Variants in PTPRT observed in about 807,000 individuals in gnomAD.
PTPRT encodes protein tyrosine phosphatase receptor type T, also known as receptor-type tyrosine-protein phosphatase T.
Under a neutral mutation model 176.8 loss-of-function variants are expected in PTPRT, and 56 were observed. The observed-to-expected ratio is 0.32, with a 90% CI of 0.26 to 0.40. The LOEUF is 0.40. Among genes scored for constraint, PTPRT ranks in the 10% least tolerant of loss-of-function variants. PTPRT has a pLI of 1.00. For synonymous variants in PTPRT, 783 were observed against 739.0 expected (o/e 1.06, Z -0.96); for missense variants, 1,540 against 1,908.2 (o/e 0.81, Z 3.60).
intron 22 of PTPRT, among the ~76,000 whole-genome samples, chr20:42,114,640 C>T (rs946445279): frequency 6.6e-6 from 1 of 152,160 alleles, no homozygotes; most frequent in Non-Finnish European, 1.5e-5. Flanking sequence ...GGCCTCTCCA[C>T]CCACTAGGTG....
At chr20:42,142,155 T>A (rs1463787469) in intron 17 of PTPRT, among the ~76,000 whole-genome samples, 153 bp from the exon 18 acceptor site, 1 of 152,188 alleles carries the variant, frequency 6.6e-6, no homozygotes, top group Non-Finnish European at 1.5e-5. Flanking sequence ...AGGACATAGA[T>A]TTTGTCTGTC....
intron 2 of PTPRT, among the ~76,000 whole-genome samples, chr20:42,845,899 A>C (rs1451158070): frequency 6.6e-6 from 1 of 152,182 alleles, no homozygotes; most frequent in East Asian, 1.9e-4. Flanking sequence ...GGGTGCCCTC[A>C]AAGAACAGAC....
intron 7 of PTPRT, among the ~76,000 whole-genome samples, chr20:42,649,811 C>T (rs886662881): frequency 6.6e-6 from 1 of 152,156 alleles, no homozygotes; most frequent in Non-Finnish European, 1.5e-5. Flanking sequence ...AACCTCTTTG[C>T]ATTTGCATAG....
chr20:42,909,849 C>T (rs1367101541), intron 1 of PTPRT, among the ~76,000 whole-genome samples: 3 of 152,186 alleles, frequency 2.0e-5, no homozygotes, highest in South Asian at 2.1e-4. Flanking sequence ...ATTCAACAAC[C>T]GGGCCAGAAA....
At chr20:42,607,921 C>A (rs1389227331) in intron 7 of PTPRT, among the ~76,000 whole-genome samples, 1 of 152,184 alleles carries the variant, frequency 6.6e-6, no homozygotes, top group Non-Finnish European at 1.5e-5. Context: ...CCTGAAACAC[C>A]AGCTCATAAG....
intron 15 of PTPRT, among the ~76,000 whole-genome samples, chr20:42,206,328 GC>G (rs1254033710): frequency 6.6e-6 from 1 of 152,370 alleles, no homozygotes; most frequent in East Asian, 1.9e-4. Flanking sequence ...CCCAGCGTGA[GC>G]GACGCAGAAG....
At chr20:42,832,105 T>C (rs1253918279) in intron 2 of PTPRT, among the ~76,000 whole-genome samples, 2 of 152,136 alleles carry the variant, frequency 1.3e-5, no homozygotes, top group South Asian at 2.1e-4. Context: ...CTATTCACAA[T>C]AGCAAAGACA....
intron 1 of PTPRT, among the ~76,000 whole-genome samples, chr20:42,898,973 C>T (rs550160562): frequency 6.6e-6 from 1 of 152,294 alleles, no homozygotes; most frequent in South Asian, 2.1e-4. Flanking sequence ...TCCCGCCCAA[C>T]CCAGTGAGTC....
intron 2 of PTPRT, among the ~76,000 whole-genome samples, chr20:42,885,150 A>C (rs1408297314): frequency 6.8e-6 from 1 of 147,352 alleles, no homozygotes; most frequent in Non-Finnish European, 1.5e-5. Context: ...TAATATAATA[A>C]TATATAATAA....
chr20:42,104,893 T>C (rs1318378250), intron 24 of PTPRT, among the ~76,000 whole-genome samples, 175 bp from the exon 25 acceptor site: 1 of 152,198 alleles, frequency 6.6e-6, no homozygotes, highest in Non-Finnish European at 1.5e-5. Flanking sequence ...TTCCTAATGA[T>C]CACCTGAGCT....
intron 2 of PTPRT, among the ~76,000 whole-genome samples, chr20:42,792,271 A>G: frequency 6.6e-6 from 1 of 152,360 alleles, no homozygotes; most frequent in Non-Finnish European, 1.5e-5. Flanking sequence ...GAGAGCTAGA[A>G]TAAACGCTTA....
intron 1 of PTPRT, among the ~76,000 whole-genome samples, chr20:42,946,624 A>C (rs574101300): frequency 1.3e-5 from 2 of 152,282 alleles, no homozygotes; most frequent in Admixed American, 1.3e-4. Flanking sequence ...ATTATCTGGC[A>C]AAAAATTCAG....
chr20:42,345,582 ATGTGTGTGTGTGTGTGTG>A (rs56310086), intron 11 of PTPRT, among the ~76,000 whole-genome samples: 19 of 94,644 alleles, frequency 2.0e-4, no homozygotes, highest in African/African-American at 1.2e-4. Flanking sequence ...ATACATATAT[ATGTGTGTGTGTGTGTGTG>A]TGTGTGTGTG....
intron 15 of PTPRT, among the ~76,000 whole-genome samples, chr20:42,225,094 G>A (rs1315752436): frequency 6.6e-6 from 1 of 152,176 alleles, no homozygotes; most frequent in African/African-American, 2.4e-5. Context: ...TATCACCACG[G>A]GTGGATGCCA....
the PTPRT span, among the ~76,000 whole-genome samples, chr20:42,045,403 A>G: frequency 1.7e-4 from 26 of 151,790 alleles, no homozygotes; most frequent in African/African-American, 6.0e-4. Context: ...TTTTACGTGC[A>G]GGCAAGAAAG....
intron 1 of PTPRT, among the ~76,000 whole-genome samples, chr20:43,127,650 G>A (rs1477677267): frequency 3.9e-5 from 6 of 152,256 alleles, no homozygotes; most frequent in South Asian, 2.1e-4. Flanking sequence ...CAGTGCAGAC[G>A]CAGCTTCTTA....
At chr20:42,514,428 C>T (rs1009257318) in intron 7 of PTPRT, among the ~76,000 whole-genome samples, 4 of 149,332 alleles carry the variant, frequency 2.7e-5, no homozygotes, top group African/African-American at 7.3e-5. Context: ...TCTTTGTTCA[C>T]GCTTTTCTTT....
intron 9 of PTPRT, among the ~76,000 whole-genome samples, chr20:42,396,513 A>G (rs2145688181): frequency 6.6e-6 from 1 of 152,128 alleles, no homozygotes; most frequent in Non-Finnish European, 1.5e-5. Context: ...CTCTATTCCA[A>G]CCACACTGGC....
At position 42,811,109 on chromosome 20, in the gene PTPRT, G is replaced by C. The variant is rs544062875; in HGVS notation, c.215-19643C>G. Among the ~76,000 whole-genome samples the C allele has an allele frequency of 1.4e-3, 210 of 152,224 alleles. 3 individuals are homozygous for C. Among genetic ancestry groups the C allele is most frequent in the African/African-American group, 4.9e-3 (202 of 41,532 alleles). On this transcript the variant is annotated intron_variant, in intron 2 of 30. Transcript: ENST00000373187. ...TTTGCTTTCCCTTTTTATTTTTAAA[G>C]AAGAAAGATTACTTTATTGTTATTG... is the stretch of plus-strand genomic sequence containing the variant.
Sources: gnomAD v4.1 joint callset for allele counts (sites outside exome capture counted in the v4.1 genomes callset) on GRCh38, gnomAD v4.1.1 for gene constraint, MANE v1.5 for transcripts, NCBI Gene and HGNC (gene_info 2026-07-23, HGNC 2026-07-21) for gene names.